Variants in SPMIP7 observed in about 807,000 individuals in gnomAD.
SPMIP7 encodes sperm microtubule inner protein 7.
chr7:50,128,883 C>T, the SPMIP7 span, among the ~76,000 whole-genome samples: 1 of 151,884 alleles, frequency 6.6e-6, no homozygotes, highest in Non-Finnish European at 1.5e-5. Context: ...CTCTCCTAAA[C>T]AAATTACATT....
the SPMIP7 span, among the ~76,000 whole-genome samples, chr7:50,117,881 A>C: frequency 6.6e-6 from 1 of 152,210 alleles, no homozygotes; most frequent in Non-Finnish European, 1.5e-5. Flanking sequence ...TTATAGAAAC[A>C]AAGAGGGGGA....
the SPMIP7 span, among the ~76,000 whole-genome samples, chr7:50,146,607 T>G: frequency 6.6e-6 from 1 of 152,234 alleles, no homozygotes; most frequent in African/African-American, 2.4e-5. Flanking sequence ...GATTCCAGTT[T>G]TATTTGCATT....
At chr7:50,152,192 A>T in the SPMIP7 span, among the ~76,000 whole-genome samples, 1 of 152,122 alleles carries the variant, frequency 6.6e-6, no homozygotes, top group African/African-American at 2.4e-5. Context: ...TACTAAAAAT[A>T]CAAAAATTAG....
At chr7:50,156,987 G>A in the SPMIP7 span, among the ~76,000 whole-genome samples, 1 of 152,132 alleles carries the variant, frequency 6.6e-6, no homozygotes. Context: ...TCCTGGCTCT[G>A]GATTCTGACA....
At chr7:50,157,855 G>C in the SPMIP7 span, among the ~76,000 whole-genome samples, 1 of 152,014 alleles carries the variant, frequency 6.6e-6, no homozygotes, top group Admixed American at 6.5e-5. Flanking sequence ...AACCCAAGGG[G>C]ATAAAACTTC....
the SPMIP7 span, chr7:50,134,027 C>T: frequency 6.8e-5 from 86 of 1,272,636 alleles, no homozygotes; most frequent in Non-Finnish European, 6.4e-5. Flanking sequence ...TTCGGATTCT[C>T]TTATCATAGT....
At chr7:50,118,104 A>G in the SPMIP7 span, among the ~76,000 whole-genome samples, 1 of 152,022 alleles carries the variant, frequency 6.6e-6, no homozygotes, top group Admixed American at 6.6e-5. Context: ...ATCCAAGTCA[A>G]CTCCCCTATG....
chr7:50,107,601 A>G, the SPMIP7 span, among the ~76,000 whole-genome samples: 1 of 152,122 alleles, frequency 6.6e-6, no homozygotes, highest in East Asian at 1.9e-4. Flanking sequence ...CAGAAGTGAA[A>G]GTCACAAAAC....
chr7:50,119,837 G>A, the SPMIP7 span, among the ~76,000 whole-genome samples: 1 of 152,184 alleles, frequency 6.6e-6, no homozygotes, highest in Non-Finnish European at 1.5e-5. Flanking sequence ...GTATGATGTC[G>A]CTGGACTAAA....
At chr7:50,128,290 T>C in the SPMIP7 span, among the ~76,000 whole-genome samples, 1 of 151,952 alleles carries the variant, frequency 6.6e-6, no homozygotes, top group Non-Finnish European at 1.5e-5. Flanking sequence ...GAGAGTAGAT[T>C]GGTGGTTACC....
At chr7:50,129,784 C>T in the SPMIP7 span, 1 of 1,545,642 alleles carries the variant, frequency 6.5e-7, no homozygotes, top group Non-Finnish European at 8.7e-7. Flanking sequence ...TACAAGTCCT[C>T]TACACAAAAG....
the SPMIP7 span, chr7:50,104,453 T>A: frequency 1.3e-6 from 1 of 784,390 alleles, no homozygotes. Context: ...AATTAGTTTA[T>A]TTCATTGTAT....
chr7:50,097,477 T>C, the SPMIP7 span, among the ~76,000 whole-genome samples: 1 of 152,188 alleles, frequency 6.6e-6, no homozygotes, highest in African/African-American at 2.4e-5. Context: ...ATCTGTCCCA[T>C]GTATTTCACT....
chr7:50,158,414 A>G, the SPMIP7 span, among the ~76,000 whole-genome samples: 1 of 135,062 alleles, frequency 7.4e-6, no homozygotes, highest in Non-Finnish European at 1.6e-5. Flanking sequence ...TGACCCACCC[A>G]TGTCTTCTCT....
the SPMIP7 span, among the ~76,000 whole-genome samples, chr7:50,118,166 G>T: frequency 6.6e-6 from 1 of 152,050 alleles, no homozygotes; most frequent in Non-Finnish European, 1.5e-5. Flanking sequence ...AAACAAAATT[G>T]GTATCCGAAT....
the SPMIP7 span, among the ~76,000 whole-genome samples, chr7:50,132,057 C>T: frequency 5.3e-5 from 8 of 151,984 alleles, no homozygotes; most frequent in Non-Finnish European, 1.0e-4. Context: ...CATGTATGAA[C>T]GCCTACTATC....
At chr7:50,138,412 T>C in the SPMIP7 span, among the ~76,000 whole-genome samples, 5 of 152,208 alleles carry the variant, frequency 3.3e-5, no homozygotes, top group Admixed American at 6.5e-5. Context: ...TGGGCAATTA[T>C]GAAGAATAGC....
At chr7:50,096,694 G>A in the SPMIP7 span, 3 of 1,322,814 alleles carry the variant, frequency 2.3e-6, no homozygotes, top group South Asian at 1.9e-5. Flanking sequence ...AAGAGAGTAT[G>A]GACATAAGAT....
the SPMIP7 span, chr7:50,140,071 T>C: frequency 2.5e-5 from 26 of 1,051,174 alleles, no homozygotes; most frequent in South Asian, 3.0e-4. Context: ...ATTAGAGAAA[T>C]ACTGTAATAA....
Sources: allele counts gnomAD v4.1 joint callset (sites outside exome capture counted in the v4.1 genomes callset), GRCh38; gene constraint gnomAD v4.1.1; transcripts MANE v1.5; gene names NCBI Gene and HGNC (gene_info 2026-07-23, HGNC 2026-07-21).